Variants in CHL1 observed in about 807,000 individuals in gnomAD.
The protein encoded by CHL1 is neural cell adhesion molecule L1-like protein.
CHL1 carries 96 observed loss-of-function variants against 141.9 expected under a neutral mutation model. The observed-to-expected ratio is 0.68, with a 90% confidence interval of 0.57 to 0.80. The LOEUF is 0.80. Ranked by LOEUF, CHL1 falls within the 30% of genes least tolerant of loss-of-function variation. The probability of loss-of-function intolerance (pLI) is 0.00; values close to 1 mark genes in which losing one functional copy is unlikely to be tolerated. For missense variants in CHL1, 1,820 were observed against 1,457.2 expected (o/e 1.25, Z -4.05); for synonymous variants, 613 against 502.2 (o/e 1.22, Z -2.95).
intron 1 of CHL1, among the ~76,000 whole-genome samples, chr3:206,982 C>A (rs1699497726): frequency 1.3e-5 from 2 of 152,186 alleles, no homozygotes; most frequent in Non-Finnish European, 2.9e-5. Flanking sequence ...GATGCCATAT[C>A]TCAGCATTGC....
At chr3:252,516 G>C (rs564137883) in intron 2 of CHL1, among the ~76,000 whole-genome samples, 2 of 150,572 alleles carry the variant, frequency 1.3e-5, no homozygotes, top group Admixed American at 6.6e-5. Flanking sequence ...ATATTAAATA[G>C]GTATACCAGG....
At chr3:302,708 A>G (rs1209180828) in intron 2 of CHL1, among the ~76,000 whole-genome samples, 2 of 152,166 alleles carry the variant, frequency 1.3e-5, no homozygotes, top group Non-Finnish European at 2.9e-5. Flanking sequence ...GTTCACTCTG[A>G]TGATAGTTTC....
intron 1 of CHL1, among the ~76,000 whole-genome samples, chr3:211,632 T>C (rs1699911402): frequency 6.6e-6 from 1 of 152,156 alleles, no homozygotes; most frequent in Non-Finnish European, 1.5e-5. Flanking sequence ...CATTATCCCA[T>C]CCTTCTGACA....
chr3:219,968 A>G (rs1334353853), intron 1 of CHL1, among the ~76,000 whole-genome samples: 1 of 152,242 alleles, frequency 6.6e-6, no homozygotes, highest in Non-Finnish European at 1.5e-5. Flanking sequence ...TTGTTCATCT[A>G]CATCATTGAA....
chr3:343,057 G>A (rs1192425165), intron 8 of CHL1, 26 bp downstream of exon 8: 3 of 1,582,964 alleles, frequency 1.9e-6, no homozygotes, highest in African/African-American at 1.4e-5. Flanking sequence ...GTGGAGTGTT[G>A]GCATTTGTGT....
rs1057086012 is a variant in CHL1 at position 390,844 on chromosome 3, C to G, written c.2586+28C>G. 4.6e-6 allele frequency: 7 copies of G among 1,513,958 alleles called. No homozygotes were observed. In the South Asian group the frequency reaches 5.7e-5, roughly 12 times the overall value. 93.8% of individuals were successfully genotyped at this position (1,513,958 alleles called of 1,614,324 possible). A position where few individuals can be genotyped will look rare whatever the true frequency, so the allele number is the denominator to read the frequency against. On this transcript the variant is annotated intron_variant, in intron 21 of 27. Transcript: ENST00000256509. ...TTTTATCATCATGGTTTTTCCTCTT[C>G]TTGTTGAATTGGTATCTTTCCTGAG...
At chr3:331,240 T>A (rs1340953457) in intron 5 of CHL1, among the ~76,000 whole-genome samples, 1 of 146,732 alleles carries the variant, frequency 6.8e-6, no homozygotes, top group African/African-American at 2.5e-5. Flanking sequence ...TTTGTTTGTT[T>A]TTGACAGGAA....
chr3:384,891 C>T (rs1178408478), intron 19 of CHL1, among the ~76,000 whole-genome samples: 5 of 152,174 alleles, frequency 3.3e-5, no homozygotes, highest in Non-Finnish European at 7.4e-5. Context: ...ACTCATTACA[C>T]AATCACATGG....
At chr3:294,948 T>C (rs1698055714) in intron 2 of CHL1, among the ~76,000 whole-genome samples, 1 of 152,254 alleles carries the variant, frequency 6.6e-6, no homozygotes, top group Non-Finnish European at 1.5e-5. Context: ...TGTTCTAAGA[T>C]AGCTTATATT....
chr3:299,834 G>C (rs1698559867), intron 2 of CHL1, among the ~76,000 whole-genome samples: 1 of 152,064 alleles, frequency 6.6e-6, no homozygotes, highest in Admixed American at 6.6e-5. Flanking sequence ...ACACCCACAG[G>C]AAAAAATAAA....
At chr3:336,017 G>C (rs1264422491) in intron 5 of CHL1, among the ~76,000 whole-genome samples, 1 of 152,184 alleles carries the variant, frequency 6.6e-6, no homozygotes, top group Non-Finnish European at 1.5e-5. Flanking sequence ...AATCAAATGA[G>C]TTAGGTGTTA....
intron 15 of CHL1, among the ~76,000 whole-genome samples, chr3:376,986 A>C (rs185099557): frequency 6.6e-6 from 1 of 152,372 alleles, no homozygotes; most frequent in African/African-American, 2.4e-5. Flanking sequence ...TGAAATGTAC[A>C]TAAAAATATT....
chr3:266,776 A>C (rs1215667869), intron 2 of CHL1, among the ~76,000 whole-genome samples: 1 of 152,246 alleles, frequency 6.6e-6, no homozygotes, highest in East Asian at 1.9e-4. Context: ...GATGCTCTCC[A>C]GATTAGCAAG....
intron 2 of CHL1, among the ~76,000 whole-genome samples, chr3:289,496 T>C (rs1444443090): frequency 6.6e-6 from 1 of 152,196 alleles, no homozygotes; most frequent in East Asian, 1.9e-4. Flanking sequence ...CTCTCATTAT[T>C]CATGGTAGTT....
chr3:296,096 T>C (rs1698163831), intron 2 of CHL1, among the ~76,000 whole-genome samples: 1 of 152,172 alleles, frequency 6.6e-6, no homozygotes, highest in Non-Finnish European at 1.5e-5. Context: ...GTGAATGCAA[T>C]GTTTAGCACA....
At chr3:367,375 A>G (rs1009794287) in intron 15 of CHL1, among the ~76,000 whole-genome samples, 1 of 152,216 alleles carries the variant, frequency 6.6e-6, no homozygotes, top group African/African-American at 2.4e-5. Context: ...TGAACTCTGA[A>G]GCTCAATGGC....
chr3:260,374 C>G (rs1694604162), intron 2 of CHL1, among the ~76,000 whole-genome samples: 1 of 152,170 alleles, frequency 6.6e-6, no homozygotes, highest in South Asian at 2.1e-4. Context: ...ATTATGCTGA[C>G]TGTATATTTT....
intron 10 of CHL1, among the ~76,000 whole-genome samples, chr3:352,005 G>A (rs192870109): frequency 6.6e-6 from 1 of 151,924 alleles, no homozygotes; most frequent in Admixed American, 6.6e-5. Flanking sequence ...TTAAAAATAA[G>A]CTCCCACCAA....
chr3:214,144 G>C (rs1700115279), intron 1 of CHL1, among the ~76,000 whole-genome samples: 1 of 152,152 alleles, frequency 6.6e-6, no homozygotes. Context: ...ATCTATTGAG[G>C]TGCTTTTCGA....
Sources: allele counts gnomAD v4.1 joint callset (sites outside exome capture counted in the v4.1 genomes callset), GRCh38; gene constraint gnomAD v4.1.1; transcripts MANE v1.5; gene names NCBI Gene and HGNC (gene_info 2026-07-23, HGNC 2026-07-21).